Variants in ERLIN1 observed in about 807,000 individuals in gnomAD.
The protein encoded by ERLIN1 is ER lipid raft associated 1.
A neutral mutation model predicts 46.9 loss-of-function variants in ERLIN1; 24 were observed. The observed-to-expected ratio is 0.51, with a 90% CI of 0.37 to 0.72. ERLIN1 has a LOEUF of 0.72. ERLIN1 is among the 30% of genes least tolerant of loss of function. The probability of loss-of-function intolerance (pLI) is 0.00; values close to 1 mark genes in which losing one functional copy is unlikely to be tolerated. For synonymous variants in ERLIN1, 158 were observed against 143.2 expected (o/e 1.10, Z -0.74); for missense variants, 293 against 417.9 (o/e 0.70, Z 2.61).
At chr10:100,184,385 A>C (rs1283487173) in intron 1 of ERLIN1, among the ~76,000 whole-genome samples, 1 of 152,212 alleles carries the variant, frequency 6.6e-6, no homozygotes, top group Non-Finnish European at 1.5e-5. Flanking sequence ...GGGTGACAAG[A>C]CTATACAAAT....
At chr10:100,167,178 T>C (rs547244331) in intron 7 of ERLIN1, among the ~76,000 whole-genome samples, 170 bp downstream of exon 7, 23 of 152,272 alleles carry the variant, frequency 1.5e-4, no homozygotes, top group African/African-American at 5.5e-4. Context: ...AGTAAGAGTC[T>C]AGTGGGAATT....
intron 7 of ERLIN1, among the ~76,000 whole-genome samples, chr10:100,167,132 A>C (rs1843688990): frequency 6.6e-6 from 1 of 152,208 alleles, no homozygotes; most frequent in Non-Finnish European, 1.5e-5. Flanking sequence ...AGCCACTGAA[A>C]CTGCTCCTGA....
intron 7 of ERLIN1, among the ~76,000 whole-genome samples, chr10:100,164,675 T>G (rs972068794): frequency 1.3e-5 from 2 of 152,200 alleles, no homozygotes; most frequent in Non-Finnish European, 2.9e-5. Context: ...GGTTGAGCAT[T>G]TCTGATCTGA....
chr10:100,154,198 T>C (rs527827327), intron 10 of ERLIN1, among the ~76,000 whole-genome samples: 23 of 152,320 alleles, frequency 1.5e-4, no homozygotes, highest in Middle Eastern at 3.4e-3. Context: ...TCACTAGCCC[T>C]GTACCGTCTA....
At chr10:100,166,159 C>T (rs1171924704) in intron 7 of ERLIN1, among the ~76,000 whole-genome samples, 2 of 152,180 alleles carry the variant, frequency 1.3e-5, no homozygotes, top group African/African-American at 4.8e-5. Flanking sequence ...GTGACTCAAG[C>T]CTGTAATCCC....
chr10:100,163,917 G>T, intron 8 of ERLIN1, 87 bp downstream of exon 8: 1 of 794,262 alleles, frequency 1.3e-6, no homozygotes, highest in Non-Finnish European at 2.1e-6. Context: ...CAATCTTACT[G>T]AGTCCCATGA....
In ERLIN1 at chr10:100,163,364, T is replaced by C. The variant is rs1426258820; in HGVS notation, c.655+640A>G. ...ATACAAAGGAGGCTTCAAACAGATA[T>C]TTAATTTTTTTCTTAAAAAAAAAAA... On this transcript the variant is annotated intron_variant, in intron 8 of 10. Coordinates refer to ENST00000421367, the MANE Select transcript of ERLIN1 (RefSeq NM_006459.4). 1.7e-4 allele frequency among the ~76,000 whole-genome samples: 15 copies of C among 89,304 alleles called. No individual in the cohort carries two copies. The Admixed American group carries it at 2.2e-3, about 13-fold the overall frequency. The allele number at this position is 89,304 out of a possible 152,430, so 58.6% of individuals were successfully genotyped here.
chr10:100,159,839 C>CAAAAAAAA, intron 8 of ERLIN1, among the ~76,000 whole-genome samples: 1 of 142,678 alleles, frequency 7.0e-6, no homozygotes, highest in Non-Finnish European at 1.5e-5. Flanking sequence ...CTATCCAACT[C>CAAAAAAAA]AAGAAGTTAA....
chr10:100,161,671 G>T (rs548631756), intron 8 of ERLIN1, among the ~76,000 whole-genome samples: 1 of 152,022 alleles, frequency 6.6e-6, no homozygotes, highest in Non-Finnish European at 1.5e-5. Flanking sequence ...TCTCCACATC[G>T]CAAGACTTAA....
chr10:100,183,465 A>C (rs1844778076), intron 2 of ERLIN1, among the ~76,000 whole-genome samples: 1 of 152,216 alleles, frequency 6.6e-6, no homozygotes, highest in African/African-American at 2.4e-5. Context: ...TCTAATTCTT[A>C]CTTTTATTGT....
chr10:100,162,250 C>T (rs1843397356), intron 8 of ERLIN1, among the ~76,000 whole-genome samples: 1 of 152,012 alleles, frequency 6.6e-6, no homozygotes, highest in Non-Finnish European at 1.5e-5. Flanking sequence ...ATTCATATAA[C>T]AACAACAAAA....
chr10:100,165,817 C>A (rs890691270), intron 7 of ERLIN1, among the ~76,000 whole-genome samples: 5 of 152,136 alleles, frequency 3.3e-5, no homozygotes, highest in Admixed American at 3.3e-4. Context: ...CCTCTACCTC[C>A]CCGGTTGAAG....
At chr10:100,180,811 G>A (rs1402785810) in intron 2 of ERLIN1, among the ~76,000 whole-genome samples, 1 of 152,206 alleles carries the variant, frequency 6.6e-6, no homozygotes, top group Non-Finnish European at 1.5e-5. Flanking sequence ...TCTCACATGT[G>A]ATGTAGTTCT....
At chr10:100,161,154 A>G (rs987907752) in intron 8 of ERLIN1, among the ~76,000 whole-genome samples, 1 of 152,240 alleles carries the variant, frequency 6.6e-6, no homozygotes, top group African/African-American at 2.4e-5. Flanking sequence ...AATAAAAAGT[A>G]TGTGACTTAG....
intron 10 of ERLIN1, 90 bp from the exon 11 acceptor site, chr10:100,152,442 CTGAG>C (rs1842858292): frequency 1.3e-6 from 1 of 786,678 alleles, no homozygotes; most frequent in Non-Finnish European, 2.3e-6. Context: ...TATTGCTCTC[CTGAG>C]TATCATGAGT....
At chr10:100,162,503 A>G (rs188177201) in intron 8 of ERLIN1, among the ~76,000 whole-genome samples, 2 of 152,306 alleles carry the variant, frequency 1.3e-5, no homozygotes, top group Admixed American at 6.5e-5. Context: ...CAATTTGTCA[A>G]TATGTTGAAT....
chr10:100,185,522 C>T lies in ERLIN1; in HGVS notation c.105G>A (p.Val35=), dbSNP rs1170413163. The T allele has an allele frequency of 6.2e-7, 1 of 1,612,562 alleles. No individual in the cohort carries two copies. Among genetic ancestry groups the T allele is most frequent in the East Asian group, 2.2e-5 (1 of 44,872 alleles). The change falls in exon 1 of 11, where the codon GTG becomes GTA. Residue 35 remains valine, a synonymous_variant. Transcript: ENST00000421367. The stretch of plus-strand genomic sequence containing the variant: ...CTGCACATGCCGCTCACCTGTAGTA[C>T]ACAGCCAGATGGCCCTCCTCAATCT... ...IHKIEEGHLA[V]YYRGGALLTS...
At chr10:100,180,857 T>C (rs1844601663) in intron 2 of ERLIN1, among the ~76,000 whole-genome samples, 1 of 152,172 alleles carries the variant, frequency 6.6e-6, no homozygotes, top group African/African-American at 2.4e-5. Context: ...GAAAACCAGC[T>C]GGGAGGCTAA....
intron 7 of ERLIN1, among the ~76,000 whole-genome samples, chr10:100,164,382 G>A (rs1843520998): frequency 6.6e-6 from 1 of 152,204 alleles, no homozygotes; most frequent in Non-Finnish European, 1.5e-5. Context: ...CTGTGATTTG[G>A]AAGGGAATAT....
Sources: gnomAD v4.1 joint callset for allele counts (sites outside exome capture counted in the v4.1 genomes callset) on GRCh38, gnomAD v4.1.1 for gene constraint, MANE v1.5 for transcripts, NCBI Gene and HGNC (gene_info 2026-07-23, HGNC 2026-07-21) for gene names.